The following MAST4 variants were observed in gnomAD, a reference collection of about 807,000 sequenced individuals.
MAST4 encodes the protein microtubule-associated serine/threonine-protein kinase 4.
In MAST4, 89 loss-of-function variants were observed where a neutral mutation model predicts 162.7. That is an observed-to-expected ratio of 0.55 (90% CI 0.46 to 0.65). The LOEUF (loss-of-function observed/expected upper bound fraction) is 0.65, where lower values mean the gene tolerates loss of function less well. MAST4 is among the 30% of genes least tolerant of loss of function. MAST4 has a pLI of 0.00. For synonymous variants in MAST4, 1,479 were observed against 1,361.1 expected, an observed-to-expected ratio of 1.09 and a Z score of -1.91; for missense variants, 3,153 against 3,374.0, an observed-to-expected ratio of 0.93 and a Z score of 1.62.
intron 4 of MAST4, among the ~76,000 whole-genome samples, chr5:67,049,065 A>ATATACGTG (rs1757843276): frequency 2.1e-5 from 3 of 140,366 alleles, no homozygotes; most frequent in African/African-American, 8.2e-5. Flanking sequence ...ATATACGTAT[A>ATATACGTG]TATATATATA....
chr5:67,019,717 A>G (rs1753739742), intron 4 of MAST4, among the ~76,000 whole-genome samples: 1 of 152,170 alleles, frequency 6.6e-6, no homozygotes, highest in African/African-American at 2.4e-5. Context: ...CTTTTTTTTA[A>G]ACTCTAAAGA....
intron 12 of MAST4, among the ~76,000 whole-genome samples, chr5:67,117,329 A>G (rs1295515922): frequency 1.3e-5 from 2 of 152,174 alleles, no homozygotes; most frequent in Admixed American, 6.5e-5. Context: ...AATTTCCCCT[A>G]TAGGTAAACT....
At chr5:66,785,145 C>T (rs1015424548) in intron 2 of MAST4, among the ~76,000 whole-genome samples, 10 of 152,096 alleles carry the variant, frequency 6.6e-5, no homozygotes, top group African/African-American at 7.2e-5. Context: ...GCAGGAGAAT[C>T]GCTTGAACCT....
chr5:66,637,992 C>T (rs1483852571), intron 1 of MAST4, among the ~76,000 whole-genome samples: 1 of 152,192 alleles, frequency 6.6e-6, no homozygotes, highest in Non-Finnish European at 1.5e-5. Flanking sequence ...CATGAGCCAC[C>T]ATGCCGAGCC....
intron 5 of MAST4, among the ~76,000 whole-genome samples, chr5:67,062,652 A>T (rs1759768277): frequency 6.6e-6 from 1 of 152,218 alleles, no homozygotes; most frequent in African/African-American, 2.4e-5. Context: ...GGAATAGGAC[A>T]AAGGAAAATT....
chr5:66,734,663 G>A (rs970309771), intron 1 of MAST4, among the ~76,000 whole-genome samples: 2 of 152,202 alleles, frequency 1.3e-5, no homozygotes, highest in African/African-American at 4.8e-5. Flanking sequence ...GCAGTGTCCA[G>A]TATGGTAGCC....
intron 3 of MAST4, among the ~76,000 whole-genome samples, chr5:66,815,161 C>CA (rs1756657655): frequency 6.6e-6 from 1 of 152,146 alleles, no homozygotes; most frequent in Non-Finnish European, 1.5e-5. Flanking sequence ...TGAATAACTC[C>CA]ATGCTGAGCA....
intron 3 of MAST4, among the ~76,000 whole-genome samples, chr5:66,899,150 T>C (rs2149975238): frequency 6.6e-6 from 1 of 152,344 alleles, no homozygotes; most frequent in Middle Eastern, 3.4e-3. Flanking sequence ...AGCAAGTAAT[T>C]ATTCTTGAGC....
chr5:66,831,826 T>C (rs1757617355), intron 3 of MAST4, among the ~76,000 whole-genome samples: 3 of 152,158 alleles, frequency 2.0e-5, no homozygotes, highest in African/African-American at 4.8e-5. Context: ...CATAGGAAAT[T>C]CTGATGGATG....
intron 2 of MAST4, among the ~76,000 whole-genome samples, chr5:66,784,773 T>C (rs923321777): frequency 1.3e-5 from 2 of 152,218 alleles, no homozygotes; most frequent in Non-Finnish European, 2.9e-5. Context: ...GTACATTGAC[T>C]GCTTTTCCAT....
chr5:67,027,346 A>C (rs1423516319), intron 4 of MAST4, among the ~76,000 whole-genome samples: 2 of 152,208 alleles, frequency 1.3e-5, no homozygotes, highest in African/African-American at 4.8e-5. Flanking sequence ...CTGTGGAAGC[A>C]AAGTTGAATC....
At chr5:66,941,637 G>A (rs1397224116) in intron 4 of MAST4, among the ~76,000 whole-genome samples, 1 of 152,180 alleles carries the variant, frequency 6.6e-6, no homozygotes, top group African/African-American at 2.4e-5. Flanking sequence ...CACTGGAGTA[G>A]CACTTTCAAT....
At chr5:66,873,731 A>G (rs1004191624) in intron 3 of MAST4, among the ~76,000 whole-genome samples, 1 of 152,102 alleles carries the variant, frequency 6.6e-6, no homozygotes, top group African/African-American at 2.4e-5. Flanking sequence ...AAATTATGGA[A>G]TTGTTGCATT....
intron 1 of MAST4, among the ~76,000 whole-genome samples, chr5:66,642,196 C>G (rs1745532566): frequency 6.6e-6 from 1 of 152,004 alleles, no homozygotes; most frequent in African/African-American, 2.4e-5. Context: ...ATCTAACTGC[C>G]AATTTATAAG....
In MAST4 at chr5:66,687,655, T is replaced by TAGCTAG. The variant is rs1561262800; in HGVS notation, c.364-72054_364-72053insAGCTAG. 1.3e-3 allele frequency among the ~76,000 whole-genome samples: 156 copies of TAGCTAG among 121,350 alleles called. 3 individuals carry two copies. Among genetic ancestry groups the TAGCTAG allele is most frequent in the African/African-American group, 4.9e-3 (154 of 31,664 alleles). The allele number at this position is 121,350 out of a possible 152,430, so 79.6% of individuals were successfully genotyped here. ...GTGTGTTTATCTATCTATCTATCTA[T>TAGCTAG]CTATCTATCTATCTATCTATCTATA... On this transcript the variant is annotated intron_variant, in intron 1 of 28. Transcript: ENST00000403625.
At chr5:66,769,207 G>C (rs961857395) in intron 2 of MAST4, among the ~76,000 whole-genome samples, 2 of 152,166 alleles carry the variant, frequency 1.3e-5, no homozygotes, top group Admixed American at 1.3e-4. Context: ...GAGAGGCCTG[G>C]TCAAGGGTCA....
At chr5:66,687,538 G>GCA (rs1580197461) in intron 1 of MAST4, among the ~76,000 whole-genome samples, 1 of 151,120 alleles carries the variant, frequency 6.6e-6, no homozygotes, top group African/African-American at 2.4e-5. Flanking sequence ...GTGTATATAT[G>GCA]TATGTATACA....
intron 14 of MAST4, among the ~76,000 whole-genome samples, chr5:67,129,501 C>T (rs1156530880): frequency 6.6e-6 from 1 of 152,000 alleles, no homozygotes; most frequent in East Asian, 1.9e-4. Context: ...GGGCAGATCA[C>T]TTGAGGTCAG....
intron 4 of MAST4, among the ~76,000 whole-genome samples, chr5:67,019,685 G>A (rs1387937466): frequency 6.6e-6 from 1 of 152,150 alleles, no homozygotes; most frequent in Middle Eastern, 3.2e-3. Flanking sequence ...CTTTTTTAGG[G>A]AAGTAGCTTT....
Sources: allele counts gnomAD v4.1 joint callset (sites outside exome capture counted in the v4.1 genomes callset), GRCh38; gene constraint gnomAD v4.1.1; transcripts MANE v1.5; gene names NCBI Gene and HGNC (gene_info 2026-07-23, HGNC 2026-07-21).